STS: variants seen among roughly 807,000 people sequenced by gnomAD.
STS encodes steryl-sulfatase.
In STS, 7 loss-of-function variants were observed where a neutral mutation model predicts 26.8. The ratio of observed to expected loss-of-function variants is 0.26; its 90% CI spans 0.15 to 0.49. The LOEUF is 0.49. Among genes scored for constraint, STS ranks in the 20% least tolerant of loss-of-function variants. STS has a pLI of 0.98. For missense variants in STS, 434 were observed against 465.6 expected, an observed-to-expected ratio of 0.93 and a Z score of 0.63; for synonymous variants, 199 against 189.4, an observed-to-expected ratio of 1.05 and a Z score of -0.42.
intron 6 of STS, among the ~76,000 whole-genome samples, chrX:7,264,862 G>A (rs1923922653): frequency 9.0e-6 from 1 of 111,392 alleles, no homozygotes; most frequent in Non-Finnish European, 1.9e-5. Flanking sequence ...GCTGACAGGT[G>A]ATCTCATGTA....
chrX:7,205,723 G>C (rs183891233), intron 2 of STS, among the ~76,000 whole-genome samples: 13 of 102,613 alleles, frequency 1.3e-4, no homozygotes, highest in South Asian at 4.8e-4. Context: ...TGCGATCATA[G>C]CAATCTCTTC....
chrX:7,308,783 A>G (rs943381638), intron 8 of STS, among the ~76,000 whole-genome samples: 1 of 111,904 alleles, frequency 8.9e-6, no homozygotes, highest in African/African-American at 3.2e-5. Context: ...TTAAAATACA[A>G]TGCCCTAAAA....
intron 7 of STS, among the ~76,000 whole-genome samples, chrX:7,285,867 T>C (rs1023015908): frequency 1.1e-4 from 12 of 111,949 alleles, no homozygotes; most frequent in Non-Finnish European, 2.1e-4. Context: ...TAATCCCCAA[T>C]GCTTATAGGA....
At chrX:7,177,470 TA>T (rs1398932434) in intron 1 of STS, among the ~76,000 whole-genome samples, 1 of 106,080 alleles carries the variant, frequency 9.4e-6, no homozygotes, top group Non-Finnish European at 1.9e-5. Context: ...TATATATGTA[TA>T]TATATATATT....
rs749678219 is a variant in STS at position 7,325,494 on chromosome X, G to C, written c.1237G>C (p.Asp413His). 9 of 1,210,988 alleles carry C rather than the reference G, an allele frequency of 7.4e-6. No individual in the cohort carries two copies. The East Asian group carries it at 2.7e-4, about 36-fold the overall frequency. Residue 413 changes from aspartate (D) to histidine (H), a missense_variant, in exon 9 of 11, where the codon GAC becomes CAC. This residue lies in a region of STS where 205 missense variants were observed against 177.3 expected (regional missense o/e 1.16). Transcript: ENST00000674429. ...GCTGGCTGGAGCTCCCTTGCCTGAG[G>C]ACAGGTACTCTGATGCCAGGGTGGT... ...AKLAGAPLPE[D>H]RIIDGRDLMP...
intron 6 of STS, among the ~76,000 whole-genome samples, chrX:7,267,467 G>A (rs1333602570): frequency 3.6e-5 from 4 of 112,194 alleles, no homozygotes; most frequent in African/African-American, 1.3e-4. Context: ...TGTCATGCTG[G>A]TGGGTAGAAT....
intron 8 of STS, among the ~76,000 whole-genome samples, chrX:7,314,589 CA>C (rs1926628698): frequency 8.9e-6 from 1 of 112,981 alleles, no homozygotes; most frequent in Non-Finnish European, 1.9e-5. Context: ...TTGCCGTAGG[CA>C]GAGTGATTTG....
chrX:7,320,279 T>C (rs757491094), intron 8 of STS, among the ~76,000 whole-genome samples: 1 of 106,999 alleles, frequency 9.3e-6, no homozygotes, highest in Non-Finnish European at 1.9e-5. Flanking sequence ...TCTGCAATCT[T>C]ACCATCCTAC....
intron 10 of STS, among the ~76,000 whole-genome samples, chrX:7,342,757 CA>C (rs1355253465): frequency 1.8e-5 from 2 of 112,344 alleles, no homozygotes; most frequent in African/African-American, 6.5e-5. Context: ...AGCTTGGGGC[CA>C]AGATGCTTTT....
In STS at chrX:7,257,449, A is replaced by AT. The variant is rs759224202; in HGVS notation, c.260-11dup. ...GGTATCTCCTGGTTCCTAAGGGTTG[A>AT]TTTTTTCCTGGTCCAGGAATGGCAT... On this transcript the variant is annotated splice_polypyrimidine_tract_variant and intron_variant, in intron 4 of 10. Coordinates refer to ENST00000674429, the MANE Select transcript of STS (RefSeq NM_001320752.2). The AT allele has an allele frequency of 4.2e-5, 51 of 1,210,479 alleles. No homozygotes were observed. Among genetic ancestry groups the AT allele is most frequent in the Non-Finnish European group, 5.4e-5 (48 of 895,235 alleles).
chrX:7,204,616 C>T (rs1016041040), intron 2 of STS, among the ~76,000 whole-genome samples: 3 of 101,114 alleles, frequency 3.0e-5, no homozygotes, highest in Admixed American at 1.1e-4. Flanking sequence ...TCTTCCTTCC[C>T]TTCCTTCTTC....
rs1927888532 is a variant in STS, at chrX:7,334,010, G to C, written c.1266G>C (p.Met422Ile). ...EDRIIDGRDL[M>I]PLLEGKSQRS... ...GGATCATTGATGGACGTGATCTGAT[G>C]CCCCTGCTTGAAGGAAAAAGCCAAC... Residue 422 changes from methionine to isoleucine, a missense_variant, in exon 10 of 11, where the codon ATG becomes ATC. Physicochemically the swap from Met to Ile is conservative, Grantham distance 10. Coordinates refer to ENST00000674429, the MANE Select transcript of STS (RefSeq NM_001320752.2). 2 of 1,211,319 alleles carry C rather than the reference G, an allele frequency of 1.7e-6. No individual in the cohort carries two copies. The highest frequency in any genetic ancestry group is 5.9e-5 in the East Asian group (2 of 33,814).
At chrX:7,195,788 G>A (rs1186379046) in intron 2 of STS, among the ~76,000 whole-genome samples, 3 of 112,145 alleles carry the variant, frequency 2.7e-5, no homozygotes, top group African/African-American at 9.7e-5. Flanking sequence ...ACCCACTTCT[G>A]TAAGAACAGC....
chrX:7,170,523 A>G (rs935209916), intron 1 of STS, among the ~76,000 whole-genome samples: 3 of 111,010 alleles, frequency 2.7e-5, no homozygotes, highest in Admixed American at 9.6e-5. Context: ...CTGCAGCCTT[A>G]AAGTCCTGGG....
At chrX:7,168,733 G>A (rs1933400401) in intron 1 of STS, among the ~76,000 whole-genome samples, 1 of 111,508 alleles carries the variant, frequency 9.0e-6, no homozygotes, top group African/African-American at 3.3e-5. Context: ...GCACCTTCAA[G>A]TTGCCTTCCT....
At chrX:7,349,409 C>T (rs938743659) in intron 10 of STS, among the ~76,000 whole-genome samples, 30 of 84,915 alleles carry the variant, frequency 3.5e-4, no homozygotes, top group African/African-American at 1.3e-3. Context: ...AATCTCAGCT[C>T]ACTGCAACCA....
intron 3 of STS, 124 bp from the exon 4 acceptor site, chrX:7,257,118 T>C: frequency 1.0e-6 from 1 of 959,764 alleles, no homozygotes; most frequent in Non-Finnish European, 1.5e-6. Context: ...CCAGGCGTGG[T>C]AGTGTGAGCC....
intron 7 of STS, among the ~76,000 whole-genome samples, chrX:7,300,540 A>G (rs1383637367): frequency 8.9e-6 from 1 of 111,964 alleles, no homozygotes; most frequent in African/African-American, 3.2e-5. Context: ...TAAATGTCGA[A>G]TGGGCTCTGG....
chrX:7,163,283 G>A (rs1170133199), intron 1 of STS, among the ~76,000 whole-genome samples: 5 of 112,055 alleles, frequency 4.5e-5, no homozygotes, highest in African/African-American at 1.6e-4. Context: ...ATCACCAGAT[G>A]TTTCTTGGGT....
Sources: gnomAD v4.1 joint callset for allele counts (sites outside exome capture counted in the v4.1 genomes callset) on GRCh38, gnomAD v4.1.1 for gene constraint, gnomAD v4.1.1 regional missense constraint, MANE v1.5 for transcripts, NCBI Gene and HGNC (gene_info 2026-07-23, HGNC 2026-07-21) for gene names.